Variants in EDA observed in about 807,000 individuals in gnomAD.
EDA encodes ectodysplasin A, also known as ectodysplasin-A.
EDA carries 2 observed loss-of-function variants against 23.6 expected under a neutral mutation model. The observed-to-expected ratio is 0.08, with a 90% CI of 0.03 to 0.27. The LOEUF is 0.27. Ranked by LOEUF, EDA falls within the 10% of genes least tolerant of loss-of-function variation. The pLI is 1.00. For synonymous variants in EDA, 131 were observed against 132.0 expected, an observed-to-expected ratio of 0.99 and a Z score of 0.05; for missense variants, 229 against 324.2, an observed-to-expected ratio of 0.71 and a Z score of 2.26.
chrX:70,033,275 G>A (rs1022106438), intron 6 of EDA, 123 bp from the exon 7 acceptor site: 1 of 952,198 alleles, frequency 1.1e-6, no homozygotes, highest in African/African-American at 1.9e-5. Flanking sequence ...TTAAAGTTTG[G>A]CCTTCTAGGC....
Position 69,616,258 on chromosome X carries a change from G to A in EDA, c.-51G>A, listed in dbSNP as rs1313518359. On this transcript the variant is annotated 5_prime_UTR_variant, in exon 1 of 8. Transcript: ENST00000374552. ...CCTGTCAGAGGTCGTGAACGGCTGA[G>A]GCAGACGCAGCGGCTCCCGGGCCTC... The A allele has an allele frequency of 8.7e-7, 1 of 1,152,056 alleles. No homozygotes were observed. The highest frequency in any genetic ancestry group is 2.6e-5 in the Admixed American group (1 of 38,994). 94.9% of individuals were successfully genotyped at this position (1,152,056 alleles called of 1,213,427 possible).
intron 1 of EDA, among the ~76,000 whole-genome samples, chrX:69,797,493 C>A (rs1321744900): frequency 9.0e-6 from 1 of 110,932 alleles, no homozygotes; most frequent in South Asian, 3.8e-4. Flanking sequence ...ATACTATACC[C>A]AGCAAAATTG....
chrX:69,910,684 C>T (rs1048494221), intron 1 of EDA, among the ~76,000 whole-genome samples: 12 of 111,027 alleles, frequency 1.1e-4, no homozygotes, highest in South Asian at 3.8e-4. Flanking sequence ...GAATCTATCA[C>T]GTTCACTGAC....
intron 2 of EDA, among the ~76,000 whole-genome samples, chrX:69,967,891 C>T (rs2019196725): frequency 8.9e-6 from 1 of 111,791 alleles, no homozygotes; most frequent in Non-Finnish European, 1.9e-5. Context: ...AAGATGTTGG[C>T]AACGCTGGTG....
At chrX:69,752,814 T>G (rs1445721765) in intron 1 of EDA, among the ~76,000 whole-genome samples, 1 of 111,989 alleles carries the variant, frequency 8.9e-6, no homozygotes, top group Non-Finnish European at 1.9e-5. Flanking sequence ...GGAGGGTGTA[T>G]GTGTTGAGGA....
At chrX:69,999,149 T>TA (rs1233564906) in intron 2 of EDA, among the ~76,000 whole-genome samples, 1 of 111,924 alleles carries the variant, frequency 8.9e-6, no homozygotes, top group Non-Finnish European at 1.9e-5. Context: ...TATGAACTTT[T>TA]AAAAAATCAT....
At chrX:69,695,579 G>A (rs1276173749) in intron 1 of EDA, among the ~76,000 whole-genome samples, 13 of 98,779 alleles carry the variant, frequency 1.3e-4, no homozygotes, top group African/African-American at 3.3e-4. Flanking sequence ...GCACGATCTC[G>A]GCTCACTGCA....
intron 2 of EDA, among the ~76,000 whole-genome samples, chrX:69,968,179 A>G (rs749922413): frequency 4.7e-4 from 53 of 112,129 alleles, no homozygotes; most frequent in African/African-American, 1.7e-3. Context: ...AAGTACTTAC[A>G]TAGAAGTATG....
At chrX:69,871,092 A>G (rs1602498701) in intron 1 of EDA, among the ~76,000 whole-genome samples, 1 of 111,674 alleles carries the variant, frequency 9.0e-6, no homozygotes, top group East Asian at 2.8e-4. Flanking sequence ...AGAAGTGTCA[A>G]ATGCATTTAT....
chrX:69,831,222 A>G (rs977114857), intron 1 of EDA, among the ~76,000 whole-genome samples: 1 of 110,809 alleles, frequency 9.0e-6, no homozygotes, highest in Non-Finnish European at 1.9e-5. Flanking sequence ...CCAGCCCCTT[A>G]CCCCACAACA....
intron 1 of EDA, among the ~76,000 whole-genome samples, chrX:69,931,507 T>C (rs1044620853): frequency 2.7e-5 from 3 of 111,314 alleles, no homozygotes; most frequent in Non-Finnish European, 3.8e-5. Context: ...AGCCAGATCT[T>C]GTCTCTAAAA....
At chrX:69,848,939 G>A (rs1257389055) in intron 1 of EDA, among the ~76,000 whole-genome samples, 1 of 110,986 alleles carries the variant, frequency 9.0e-6, no homozygotes, top group Non-Finnish European at 1.9e-5. Flanking sequence ...ATTTAAATTT[G>A]TCAGCAGCAC....
chrX:69,884,063 C>CA (rs950185575), intron 1 of EDA, among the ~76,000 whole-genome samples: 31 of 103,899 alleles, frequency 3.0e-4, no homozygotes, highest in South Asian at 4.2e-4. Context: ...GACCCTATCT[C>CA]AAAAAAAAAA....
chrX:69,837,408 A>G (rs984905742), intron 1 of EDA, among the ~76,000 whole-genome samples: 21 of 112,130 alleles, frequency 1.9e-4, no homozygotes, highest in Admixed American at 4.7e-4. Context: ...TTTTCATTGT[A>G]TTAAAGACCA....
At chrX:69,760,078 A>G (rs2147408503) in intron 1 of EDA, among the ~76,000 whole-genome samples, 1 of 106,883 alleles carries the variant, frequency 9.4e-6, no homozygotes, top group African/African-American at 3.4e-5. Context: ...GCCAGTGTGA[A>G]TGGATTCTGT....
intron 1 of EDA, among the ~76,000 whole-genome samples, chrX:69,829,759 CT>C (rs1187256942): frequency 1.8e-5 from 2 of 111,934 alleles, no homozygotes; most frequent in Non-Finnish European, 3.8e-5. Context: ...CTTGCCTTGG[CT>C]TTAACTTACT....
At chrX:69,797,930 T>C (rs1291768158) in intron 1 of EDA, among the ~76,000 whole-genome samples, 1 of 111,964 alleles carries the variant, frequency 8.9e-6, no homozygotes, top group African/African-American at 3.2e-5. Flanking sequence ...GAAATGAACT[T>C]TACCTGTAAA....
At chrX:69,737,325 C>A (rs2013299353) in intron 1 of EDA, among the ~76,000 whole-genome samples, 1 of 111,935 alleles carries the variant, frequency 8.9e-6, no homozygotes, top group Admixed American at 9.5e-5. Context: ...TTTTTATCTT[C>A]TTTTCTTGCC....
chrX:69,690,233 G>C (rs1306523271), intron 1 of EDA, among the ~76,000 whole-genome samples: 1 of 111,566 alleles, frequency 9.0e-6, no homozygotes, highest in Non-Finnish European at 1.9e-5. Context: ...TGTCCTGTTA[G>C]GGGGAAAATA....
Sources: allele counts gnomAD v4.1 joint callset (sites outside exome capture counted in the v4.1 genomes callset), GRCh38; gene constraint gnomAD v4.1.1; transcripts MANE v1.5; gene names NCBI Gene and HGNC (gene_info 2026-07-23, HGNC 2026-07-21).